Variants in FAT1 observed in about 807,000 individuals in gnomAD.
FAT1 encodes protocadherin Fat 1.
Under a neutral mutation model 329.8 loss-of-function variants are expected in FAT1, and 171 were observed. That is an observed-to-expected ratio of 0.52 (90% CI 0.46 to 0.59). FAT1 has a LOEUF of 0.59. FAT1 is among the 20% of genes least tolerant of loss of function. The pLI, the probability that FAT1 is intolerant of heterozygous loss-of-function variation, is 0.00. For missense variants in FAT1, 5,672 were observed against 5,774.4 expected, an observed-to-expected ratio of 0.98 and a Z score of 0.57; for synonymous variants, 2,233 against 2,228.6, an observed-to-expected ratio of 1.00 and a Z score of -0.06.
intron 26 of FAT1, among the ~76,000 whole-genome samples, chr4:186,591,267 C>T (rs966532631): frequency 2.6e-5 from 4 of 152,248 alleles, no homozygotes; most frequent in Admixed American, 6.5e-5. Context: ...CGGTCACATC[C>T]GTGATTTTTT....
In FAT1 at chr4:186,708,711, T is replaced by C. The variant is rs779271420; in HGVS notation, c.1117A>G (p.Arg373Gly). The C allele has an allele frequency of 3.1e-6, 5 of 1,613,842 alleles. No homozygotes were observed. In the South Asian group the frequency reaches 5.5e-5, roughly 18 times the overall value. ...GGAGCAAATTCACTTATTTCTGCTCTGTAAACATCCTTTTCAAACTTGACT... is the reference window on the plus strand; with the variant it reads ...GGAGCAAATTCACTTATTTCTGCTCCGTAAACATCCTTTTCAAACTTGACT... ...GPVKFEKDVY[R>G]AEISEFAPPN... Residue 373 changes from arginine to glycine, a missense_variant, in exon 2 of 27, where the codon AGA becomes GGA. This residue lies in a region of FAT1 where 3,966 missense variants were observed against 3,915.2 expected (regional missense o/e 1.01). Transcript: ENST00000441802.
intron 22 of FAT1, 135 bp downstream of exon 22, chr4:186,599,763 G>C: frequency 1.4e-6 from 1 of 703,102 alleles, no homozygotes; most frequent in South Asian, 2.0e-5. Flanking sequence ...GATGCTGCTC[G>C]CTTCCAACAC....
At position 186,636,219 on chromosome 4, in the gene FAT1, T is replaced by C. The variant is rs874111; in HGVS notation, c.3989A>G (p.Asn1330Ser). 104 of 1,613,980 alleles carry C rather than the reference T, an allele frequency of 6.4e-5. No individual in the cohort carries two copies. In the African/African-American group the frequency reaches 1.0e-3, roughly 16 times the overall value. ...YDILSIKAVDNGRPQKSSTTR... is the reference protein window; with the variant it reads ...YDILSIKAVDSGRPQKSSTTR... Reference sequence around the variant, plus strand: ...GGTTGATGACTTTTGAGGGCGACCATTGTCAACTGCCTTAATCTACAACAT... The same window carrying C: ...GGTTGATGACTTTTGAGGGCGACCACTGTCAACTGCCTTAATCTACAACAT... The change falls in exon 6 of 27, where the codon AAT (asparagine) becomes AGT (serine). Residue 1330 changes from asparagine to serine, a missense_variant. Around this residue, in one of 2 missense-constraint regions of FAT1, gnomAD observed 3,966 missense variants for 3,915.2 expected, o/e 1.01. Transcript: ENST00000441802.
intron 7 of FAT1, among the ~76,000 whole-genome samples, chr4:186,633,382 T>G (rs376002733): frequency 2.6e-5 from 4 of 152,222 alleles, no homozygotes; most frequent in African/African-American, 7.2e-5. Context: ...ATGTACTTGA[T>G]GTTAACATAG....
rs768858297 is a variant in FAT1 at position 186,620,787 on chromosome 4, A to G, written c.5799T>C (p.Thr1933=). ...TTGTGTTTTGGACAGTGAGAGCACC[A>G]GTCTTGTAGTCCATAGAAAACTTCT... ...IGEKFSMDYK[T]GALTVQNTTQ... is the part of the protein sequence containing the mutation. The change falls in exon 10 of 27, where the codon ACT becomes ACC. Residue 1933 remains threonine, a synonymous_variant. Coordinates refer to ENST00000441802, the MANE Select transcript of FAT1 (RefSeq NM_005245.4). 7.4e-6 allele frequency: 12 copies of G among 1,614,052 alleles called. 1 individual carries two copies. Among genetic ancestry groups the G allele is most frequent in the East Asian group, 2.2e-5 (1 of 44,882 alleles).
At chr4:186,703,654 C>T (rs191581573) in intron 2 of FAT1, among the ~76,000 whole-genome samples, 23 of 152,302 alleles carry the variant, frequency 1.5e-4, no homozygotes, top group African/African-American at 5.5e-4. Flanking sequence ...CCGAGTTAGG[C>T]AAAGAAGACC....
rs10561120 is a variant in FAT1, at chr4:186,682,526, C to CAAAAAAAAAAAAAAAAA, written c.3266-18930_3266-18914dup. 6.2e-3 allele frequency among the ~76,000 whole-genome samples: 741 copies of CAAAAAAAAAAAAAAAAA among 119,490 alleles called. 48 individuals carry two copies. The highest frequency in any genetic ancestry group is 0.017 in the African/African-American group (433 of 25,268). The allele number at this position is 119,490 out of a possible 152,430, so 78.4% of individuals were successfully genotyped here. ...TGAGTGAAAGAGCGAGACTCTGTCTCAAAAAAAAAAAAAAAAAAGAAAGTT... is the reference window on the plus strand; with the variant it reads ...TGAGTGAAAGAGCGAGACTCTGTCTCAAAAAAAAAAAAAAAAAAAAAAAAAAAAAAAAAAAGAAAGTT... On this transcript the variant is annotated intron_variant, in intron 2 of 26. Coordinates refer to ENST00000441802, the MANE Select transcript of FAT1 (RefSeq NM_005245.4).
Position 186,707,652 on chromosome 4 carries a change from C to A in FAT1, c.2176G>T (p.Val726Leu), listed in dbSNP as rs1561008572. ...FRSTLPTGIQ[V>L]KENQPVGSSV... is the part of the protein sequence containing the mutation. ...GAACCCACAGGCTGGTTTTCCTTTA[C>A]CTGAATACCAGTCGGAAGAGTGCTT... Residue 726 changes from valine to leucine, a missense_variant, in exon 2 of 27, where the codon GTA (valine) becomes TTA (leucine). Physicochemically the swap from Val to Leu is conservative, Grantham distance 32 (BLOSUM62 1). Transcript: ENST00000441802. 2 of 1,613,962 alleles carry A rather than the reference C, an allele frequency of 1.2e-6. No individual in the cohort carries two copies. The highest frequency in any genetic ancestry group is 2.7e-5 in the African/African-American group (2 of 75,038).
At position 186,617,102 on chromosome 4, in the gene FAT1, A is replaced by G. The variant is rs1739749459; in HGVS notation, c.8978T>C (p.Leu2993Pro). The G allele has an allele frequency of 1.9e-6, 3 of 1,613,876 alleles. No homozygotes were observed. The highest frequency in any genetic ancestry group is 2.5e-6 in the Non-Finnish European group (3 of 1,179,866). Residue 2993 changes from leucine (L) to proline (P), a missense_variant, in exon 11 of 27, where the codon CTT becomes CCT. This residue lies in a region of FAT1 where 3,966 missense variants were observed against 3,915.2 expected (regional missense o/e 1.01). Transcript: ENST00000441802. Reference sequence around the variant, plus strand: ...GCCATCAGTTGCCGTGATAGTAAGAAGGTAATTGTCCCTTTTTTCCCTGTC... The same window carrying G: ...GCCATCAGTTGCCGTGATAGTAAGAGGGTAATTGTCCCTTTTTTCCCTGTC... Reference protein sequence around the residue: ...PLDREKRDNYLLTITATDGTF... With the variant: ...PLDREKRDNYPLTITATDGTF...
chr4:186,619,839 T>C lies in FAT1; in HGVS notation c.6747A>G (p.Ala2249=). ...IAPLDFEAHP[A]YKLSIRATDS... ...CAGTTGCGCGTATGCTCAGCTTATA[T>C]GCCGGGTGGGCCTCAAAGTCCAGAG... The change falls in exon 10 of 27, where the codon GCA becomes GCG. Residue 2249 remains alanine (A), a synonymous_variant. Transcript: ENST00000441802. 1 of 1,614,008 alleles carries C rather than the reference T, an allele frequency of 6.2e-7. No homozygotes were observed. The highest frequency in any genetic ancestry group is 8.5e-7 in the Non-Finnish European group (1 of 1,179,894).
At chr4:186,645,968 T>TATACACACAC (rs1360294625) in intron 3 of FAT1, among the ~76,000 whole-genome samples, 2 of 105,230 alleles carry the variant, frequency 1.9e-5, no homozygotes, top group African/African-American at 7.8e-5. Context: ...AAAAAATATA[T>TATACACACAC]ACACACACAC....
chr4:186,594,691 T>TAC (rs1738417011), intron 26 of FAT1, among the ~76,000 whole-genome samples: 1 of 144,382 alleles, frequency 6.9e-6, no homozygotes, highest in Admixed American at 6.9e-5. Context: ...TATATATATA[T>TAC]ATATATATAC....
chr4:186,633,969 G>T (rs1395329123), intron 6 of FAT1, 146 bp from the exon 7 acceptor site: 2 of 817,568 alleles, frequency 2.4e-6, no homozygotes, highest in Non-Finnish European at 3.7e-6. Flanking sequence ...AAAGAAAAGA[G>T]TGGCCAATTA....
At chr4:186,657,871 A>G (rs1414166614) in intron 3 of FAT1, among the ~76,000 whole-genome samples, 1 of 152,230 alleles carries the variant, frequency 6.6e-6, no homozygotes, top group African/African-American at 2.4e-5. Flanking sequence ...ACTCTTTGCA[A>G]GGGTGGTGTC....
At chr4:186,696,127 C>T (rs980231297) in intron 2 of FAT1, among the ~76,000 whole-genome samples, 8 of 152,122 alleles carry the variant, frequency 5.3e-5, no homozygotes, top group Non-Finnish European at 1.2e-4. Flanking sequence ...AATTACTGAC[C>T]TTAAACTCTA....
rs2126412899 is a variant in FAT1 at position 186,600,166 on chromosome 4, G to C, written c.11835C>G (p.Asn3945Lys). The change falls in exon 22 of 27, where the codon AAC becomes AAG. Residue 3945 changes from asparagine (N) to lysine (K), a missense_variant. Asn to Lys is a moderately conservative substitution (Grantham distance 94). Around this residue, in one of 2 missense-constraint regions of FAT1, gnomAD observed 1,706 missense variants for 1,859.1 expected, o/e 0.92. Transcript: ENST00000441802. ...CACCAAAAAACACATAGTTATCCAGGTTCAGGGTTTTCAGAGTCCCTGGGG... is the reference window on the plus strand; with the variant it reads ...CACCAAAAAACACATAGTTATCCAGCTTCAGGGTTTTCAGAGTCCCTGGGG... ...GTAPGTLKTL[N>K]LDNYVFFGGH... is the part of the protein sequence containing the mutation. The C allele has an allele frequency of 1.9e-6, 3 of 1,614,026 alleles. No individual in the cohort carries two copies. The highest frequency in any genetic ancestry group is 2.5e-6 in the Non-Finnish European group (3 of 1,179,894).
intron 3 of FAT1, among the ~76,000 whole-genome samples, chr4:186,644,770 C>T (rs1231866150): frequency 6.6e-6 from 1 of 152,188 alleles, no homozygotes; most frequent in Admixed American, 6.5e-5. Flanking sequence ...AAGTAGACTT[C>T]GCGAAGCAGA....
At chr4:186,653,454 G>C (rs1192790373) in intron 3 of FAT1, among the ~76,000 whole-genome samples, 1 of 152,136 alleles carries the variant, frequency 6.6e-6, no homozygotes, top group African/African-American at 2.4e-5. Context: ...CTCTTGCTTA[G>C]AGCAACGGGA....
chr4:186,723,554 G>A (rs1464543478), intron 1 of FAT1, 110 bp downstream of exon 1: 1 of 152,294 alleles, frequency 6.6e-6, no homozygotes, highest in Non-Finnish European at 1.5e-5. Context: ...ATCCGTTTTC[G>A]GCAGCGCCGG....
Sources: gnomAD v4.1 joint callset for allele counts (sites outside exome capture counted in the v4.1 genomes callset) on GRCh38, gnomAD v4.1.1 for gene constraint, gnomAD v4.1.1 regional missense constraint, MANE v1.5 for transcripts, NCBI Gene and HGNC (gene_info 2026-07-23, HGNC 2026-07-21) for gene names.